TTC34: variants seen among roughly 807,000 people sequenced by gnomAD.
The protein encoded by TTC34 is tetratricopeptide repeat domain 34.
A neutral mutation model predicts 40.7 loss-of-function variants in TTC34; 44 were observed. The ratio of observed to expected loss-of-function variants is 1.08; its 90% CI spans 0.85 to 1.39. TTC34 has a LOEUF of 1.39. Ranked by LOEUF, TTC34 falls within the 40% of genes most tolerant of loss-of-function variation. The pLI is 0.00. For missense variants in TTC34, 884 were observed against 838.0 expected, an observed-to-expected ratio of 1.05 and a Z score of -0.68; for synonymous variants, 422 against 398.6, an observed-to-expected ratio of 1.06 and a Z score of -0.70.
chr1:2,785,894 G>T, exon 5 of TTC34: 1 of 1,537,822 alleles, frequency 6.5e-7, no homozygotes, highest in Non-Finnish European at 8.8e-7. Flanking sequence ...CCGCCTGGCC[G>T]TGCCCGCAGG....
rs1386201971 is a variant in TTC34, at chr1:2,751,953, T to C, written c.2226+31656A>G. Among the ~76,000 whole-genome samples, 4 of 116,048 alleles carry C rather than the reference T, an allele frequency of 3.4e-5. 1 individual carries two copies. The highest frequency in any genetic ancestry group is 6.8e-5 in the Non-Finnish European group (4 of 58,688). 76.1% of individuals were successfully genotyped at this position (116,048 alleles called of 152,430 possible). ...AACCACAGGTGAACATCGGAGAGTC[T>C]GGAGCAGCGCCCACACCCCCAGGCG... On this transcript the variant is annotated intron_variant, in intron 6 of 8. Coordinates refer to ENST00000401095, the Ensembl canonical transcript of TTC34.
chr1:2,651,900 G>C (rs1006755277), intron 6 of TTC34, among the ~76,000 whole-genome samples: 1 of 151,942 alleles, frequency 6.6e-6, no homozygotes, highest in Non-Finnish European at 1.5e-5. Flanking sequence ...GTGAGCAGCT[G>C]AGAAACTAAG....
At chr1:2,700,447 C>T (rs368031736) in intron 6 of TTC34, among the ~76,000 whole-genome samples, 626 of 103,666 alleles carry the variant, frequency 6.0e-3, no homozygotes, top group African/African-American at 0.017. Flanking sequence ...GGAGCAGCAC[C>T]TACACCCCCA....
At position 2,683,184 on chromosome 1, in the gene TTC34, C is replaced by A. The variant is rs1485013187; in HGVS notation, c.2227-37621G>T. ...GAGCATCCGGCAGCCTGGAGCGGAA[C>A]CCACGGCCACAGGCGAGCATCTGAG... On this transcript the variant is annotated intron_variant, in intron 6 of 8. Coordinates refer to ENST00000401095, the Ensembl canonical transcript of TTC34. Among the ~76,000 whole-genome samples, 3 of 142,914 alleles carry A rather than the reference C, an allele frequency of 2.1e-5. 1 individual carries two copies. Among genetic ancestry groups the A allele is most frequent in the South Asian group, 2.3e-4 (1 of 4,434 alleles). The allele number at this position is 142,914 out of a possible 152,430, so 93.8% of individuals were successfully genotyped here.
rs561866095 is a variant in TTC34, at chr1:2,641,781, G to A, written c.2827C>T (p.Arg943Trp). 72 of 1,535,098 alleles carry A rather than the reference G, an allele frequency of 4.7e-5. No homozygotes were observed. The highest frequency in any genetic ancestry group is 9.8e-5 in the East Asian group (4 of 40,896). ...TGCAACTCGGCCAGGCAGGTGGCCC[G>A]CAGACGCAGGTGACAGGCACTGCTG... Residue 943 changes from arginine (R) to tryptophan (W), a missense_variant, in exon 9 of 9, where the codon CGG (arginine) becomes TGG (tryptophan). By Grantham distance (101) the Arg-to-Trp change is moderately radical. Transcript: ENST00000401095.
chr1:2,677,757 G>T (rs1163628556), intron 6 of TTC34, among the ~76,000 whole-genome samples: 1 of 137,992 alleles, frequency 7.2e-6, no homozygotes, highest in Non-Finnish European at 1.6e-5. Flanking sequence ...TGACAGCCTG[G>T]AACAGCACCC....
chr1:2,694,999 G>A (rs978899576), intron 6 of TTC34, among the ~76,000 whole-genome samples: 1 of 147,294 alleles, frequency 6.8e-6, no homozygotes, highest in African/African-American at 2.5e-5. Context: ...GCACCCCCAG[G>A]TGAGGATCTG....
In TTC34 at chr1:2,753,073, C is replaced by T. The variant is rs1268950404; in HGVS notation, c.2226+30536G>A. Among the ~76,000 whole-genome samples, 1,042 of 148,550 alleles carry T rather than the reference C, an allele frequency of 7.0e-3. 7 individuals carry two copies. The highest frequency in any genetic ancestry group is 0.012 in the Admixed American group (178 of 14,792). ...CCCACACCCCCAGGTGAGCATCTGA[C>T]AGCCTGGAACGGCAACCACACCCCC... On this transcript the variant is annotated intron_variant, in intron 6 of 8. Coordinates refer to ENST00000401095, the Ensembl canonical transcript of TTC34.
chr1:2,798,110 C>A (rs1347967184), intron 2 of TTC34, among the ~76,000 whole-genome samples: 3 of 147,304 alleles, frequency 2.0e-5, no homozygotes, highest in Non-Finnish European at 4.5e-5. Flanking sequence ...GCCTCTGAGC[C>A]CCTCAGCTCC....
chr1:2,694,548 C>A (rs1456142490), intron 6 of TTC34, among the ~76,000 whole-genome samples: 1 of 105,732 alleles, frequency 9.5e-6, no homozygotes, highest in Non-Finnish European at 2.0e-5. Flanking sequence ...TAGCACCCCA[C>A]ACCCACAGGT....
At chr1:2,790,290 C>G (rs1212423888) in exon 3 of TTC34, 1 of 398,348 alleles carries the variant, frequency 2.5e-6, no homozygotes, top group Non-Finnish European at 4.4e-6. Flanking sequence ...TGGGCCCGGC[C>G]GTCCAGGAAG....
chr1:2,768,048 C>T (rs1318617728), intron 6 of TTC34, among the ~76,000 whole-genome samples: 1 of 151,532 alleles, frequency 6.6e-6, no homozygotes, highest in East Asian at 1.9e-4. Flanking sequence ...CCCACAACCC[C>T]AGGTGATCAT....
chr1:2,651,097 C>T (rs937864051), intron 6 of TTC34, among the ~76,000 whole-genome samples: 11 of 149,228 alleles, frequency 7.4e-5, no homozygotes, highest in African/African-American at 1.5e-4. Context: ...AAGCCTGGAA[C>T]GGCACCCCAA....
At chr1:2,677,010 T>A (rs796916001) in intron 6 of TTC34, among the ~76,000 whole-genome samples, 1 of 90,956 alleles carries the variant, frequency 1.1e-5, no homozygotes, top group Non-Finnish European at 2.3e-5. Flanking sequence ...CACCCACCAC[T>A]CCCAGGCCAG....
rs1641640271 is a variant in TTC34, at chr1:2,759,949, A to AC, written c.2226+23659_2226+23660insG. 4.6e-5 allele frequency among the ~76,000 whole-genome samples: 6 copies of AC among 130,644 alleles called. 1 individual carries two copies. The highest frequency in any genetic ancestry group is 4.6e-4 in the East Asian group (2 of 4,354). The allele number at this position is 130,644 out of a possible 152,430, so 85.7% of individuals were successfully genotyped here. ...CCAGGTGAGCATCTGACAGCCTGGA[A>AC]AGGCACCCACACCACCAGGTGAGCA... On this transcript the variant is annotated intron_variant, in intron 6 of 8. Transcript: ENST00000401095.
chr1:2,752,956 C>T (rs1283845229), intron 6 of TTC34, among the ~76,000 whole-genome samples: 29 of 133,386 alleles, frequency 2.2e-4, no homozygotes, highest in African/African-American at 6.9e-4. Flanking sequence ...CATCCGATAG[C>T]CTGGAGCAAC....
chr1:2,755,254 A>T (rs1641466416), intron 6 of TTC34, among the ~76,000 whole-genome samples: 1 of 44,330 alleles, frequency 2.3e-5, no homozygotes, highest in Non-Finnish European at 3.6e-5. Context: ...CTGGAGCAGC[A>T]CCCACACCCC....
chr1:2,787,716 G>T lies in TTC34; in HGVS notation c.1629-10C>A, dbSNP rs1338215825. The T allele has an allele frequency of 6.5e-6, 10 of 1,530,176 alleles. No individual in the cohort carries two copies. The highest frequency in any genetic ancestry group is 2.8e-5 in the African/African-American group (2 of 72,692). 94.8% of individuals were successfully genotyped at this position (1,530,176 alleles called of 1,614,324 possible). Reference sequence around the variant, plus strand: ...CACGCCGCAGGCGACCCTGTGTGGAGATCAGCTCAGGGGGGCATGCCCCTT... The same window carrying T: ...CACGCCGCAGGCGACCCTGTGTGGATATCAGCTCAGGGGGGCATGCCCCTT... On this transcript the variant is annotated splice_polypyrimidine_tract_variant and intron_variant, in intron 3 of 8. Transcript: ENST00000401095.
Position 2,683,415 on chromosome 1 carries a change from T to C in TTC34, c.2227-37852A>G, listed in dbSNP as rs1640168977. Among the ~76,000 whole-genome samples the C allele has an allele frequency of 2.4e-5, 3 of 124,052 alleles. No homozygotes were observed. In the Admixed American group the frequency reaches 2.4e-4, roughly 10 times the overall value. The allele number at this position is 124,052 out of a possible 152,430, so 81.4% of individuals were successfully genotyped here. ...ACGCCCAGGTGAGCATCCGATAGCC[T>C]GGAACACCACCCTTCACCCCCAGGT... On this transcript the variant is annotated intron_variant, in intron 6 of 8. Transcript: ENST00000401095.
Sources: gnomAD v4.1 joint callset for allele counts (sites outside exome capture counted in the v4.1 genomes callset) on GRCh38, gnomAD v4.1.1 for gene constraint, MANE v1.5 for transcripts, NCBI Gene and HGNC (gene_info 2026-07-23, HGNC 2026-07-21) for gene names.